CCNH: variants seen among roughly 807,000 people sequenced by gnomAD.
The protein encoded by CCNH is cyclin H, also known as cyclin-H.
Under a neutral mutation model 41.9 loss-of-function variants are expected in CCNH, and 31 were observed. The observed-to-expected ratio is 0.74, with a 90% CI of 0.56 to 1.00. The LOEUF (loss-of-function observed/expected upper bound fraction) is 1.00. Among genes scored for constraint, CCNH ranks in the 50% least tolerant of loss-of-function variants. The pLI, the probability that CCNH is intolerant of heterozygous loss-of-function variation, is 0.00. For missense variants in CCNH, 362 were observed against 388.4 expected, an observed-to-expected ratio of 0.93 and a Z score of 0.57; for synonymous variants, 138 against 136.1, an observed-to-expected ratio of 1.01 and a Z score of -0.10.
At chr5:87,377,045 G>A (rs778333322) in exon 1 of CCNH, 8 of 1,612,130 alleles carry the variant, frequency 5.0e-6, no homozygotes, top group Non-Finnish European at 6.8e-6. Context: ...TGGAAGGTAT[G>A]GTATGGCCAT....
intron 7 of CCNH, 25 bp downstream of exon 7, chr5:87,399,365 TATTG>T (rs1763220274): frequency 2.7e-6 from 4 of 1,467,862 alleles, no homozygotes; most frequent in Non-Finnish European, 3.8e-6. Flanking sequence ...CAGTTATGTC[TATTG>T]ATTAACACTG....
At chr5:87,399,611 A>G in intron 6 of CCNH, 106 bp from the exon 7 acceptor site, 2 of 718,512 alleles carry the variant, frequency 2.8e-6, no homozygotes, top group East Asian at 4.9e-5. Context: ...ACACTCTTCA[A>G]ATGACATGGT....
At chr5:87,393,214 T>G (rs1362554447), downstream of CCNH, among the ~76,000 whole-genome samples, 1 of 152,130 alleles carries the variant, frequency 6.6e-6, no homozygotes, top group Non-Finnish European at 1.5e-5. Context: ...CAGCCTGGGA[T>G]GTACTGAGAC....
intron 9 of CCNH, among the ~76,000 whole-genome samples, chr5:87,353,847 A>T (rs2112433426): frequency 6.6e-6 from 1 of 152,262 alleles, no homozygotes; most frequent in East Asian, 1.9e-4. Flanking sequence ...TTAGTTGCTT[A>T]ACGCTTAGGG....
At chr5:87,378,370 A>C (rs1266695923), upstream of CCNH, 4 of 1,610,248 alleles carry the variant, frequency 2.5e-6, no homozygotes, top group Admixed American at 6.7e-5. Flanking sequence ...TTTACAAATA[A>C]TCTTCTAATG....
rs772139174 is a variant in CCNH, at chr5:87,394,493, GA to G, written c.934-10del. On this transcript the variant is annotated splice_polypyrimidine_tract_variant and intron_variant, in intron 8 of 8. Coordinates refer to ENST00000256897, the MANE Select transcript of CCNH (RefSeq NM_001239.4). ...TCATCAGTCCATTCTTCCTAAGAAG[GA>G]AAAAAAGTGTGGTAAGGATAACACT... 1.5e-5 allele frequency: 24 copies of G among 1,612,164 alleles called. No homozygotes were observed. The highest frequency in any genetic ancestry group is 4.0e-5 in the African/African-American group (3 of 74,744).
chr5:87,376,429 G>T (rs1326128440), exon 1 of CCNH: 1 of 1,613,906 alleles, frequency 6.2e-7, no homozygotes, highest in Non-Finnish European at 8.5e-7. Context: ...TTACAGAAAG[G>T]GCATGCCACA....
At chr5:87,376,220 C>A, downstream of CCNH, 2 of 729,746 alleles carry the variant, frequency 2.7e-6, no homozygotes, top group Non-Finnish European at 4.6e-6. Context: ...TTTAGTGCAC[C>A]GTAGACACTC....
chr5:87,408,610 A>G (rs749814119), intron 3 of CCNH, among the ~76,000 whole-genome samples: 13 of 151,722 alleles, frequency 8.6e-5, no homozygotes, highest in Non-Finnish European at 1.5e-4. Flanking sequence ...GTGGAAGGCC[A>G]TCGGCAGAAG....
chr5:87,360,993 T>C (rs79232895), intron 9 of CCNH, among the ~76,000 whole-genome samples: 7,115 of 152,284 alleles, frequency 0.047, 334 homozygotes, highest in African/African-American at 0.12. Flanking sequence ...TTACAAAAGA[T>C]GCCGCAATAC....
intron 9 of CCNH, among the ~76,000 whole-genome samples, chr5:87,328,799 G>A (rs1042250398): frequency 3.9e-5 from 6 of 152,136 alleles, no homozygotes; most frequent in Non-Finnish European, 7.4e-5. Flanking sequence ...CTGTTTTTGA[G>A]TAAACCCAAG....
At chr5:87,354,545 C>A (rs941123413) in intron 9 of CCNH, among the ~76,000 whole-genome samples, 3 of 152,100 alleles carry the variant, frequency 2.0e-5, no homozygotes, top group African/African-American at 7.2e-5. Flanking sequence ...CTGGCTGGTT[C>A]TGTTTCTCTT....
intron 9 of CCNH, among the ~76,000 whole-genome samples, chr5:87,323,922 C>A (rs1205271683): frequency 6.6e-6 from 1 of 152,070 alleles, no homozygotes; most frequent in East Asian, 1.9e-4. Context: ...CTTACTATAC[C>A]AGATTACAGT....
intron 9 of CCNH, among the ~76,000 whole-genome samples, chr5:87,344,889 T>C (rs1758741600): frequency 1.3e-5 from 2 of 152,068 alleles, no homozygotes; most frequent in African/African-American, 4.8e-5. Context: ...AGCTCATTCA[T>C]CACTTCCCCC....
intron 9 of CCNH, among the ~76,000 whole-genome samples, chr5:87,344,557 C>T (rs193258762): frequency 1.8e-3 from 280 of 152,052 alleles, no homozygotes; most frequent in African/African-American, 6.2e-3. Flanking sequence ...TTGCCCAAGC[C>T]GGAGTGCAGT....
intron 9 of CCNH, among the ~76,000 whole-genome samples, chr5:87,358,825 C>G (rs1341645716): frequency 6.6e-6 from 1 of 152,188 alleles, no homozygotes; most frequent in African/African-American, 2.4e-5. Context: ...AAGCCAGACT[C>G]TTTCCTTCCT....
At chr5:87,321,505 A>G (rs573277087) in intron 9 of CCNH, among the ~76,000 whole-genome samples, 15 of 151,798 alleles carry the variant, frequency 9.9e-5, no homozygotes, top group African/African-American at 1.5e-4. Flanking sequence ...GGTTTCCACA[A>G]CCCCCTCTTT....
At chr5:87,385,262 T>G in intron 9 of CCNH, 1 of 1,292,490 alleles carries the variant, frequency 7.7e-7, no homozygotes. Context: ...GAAGTGCTGT[T>G]GGACTTGGTG....
At chr5:87,349,401 C>CA in intron 9 of CCNH, 1 of 1,602,128 alleles carries the variant, frequency 6.2e-7, no homozygotes, top group Non-Finnish European at 8.5e-7. Flanking sequence ...TTACTTTTCG[C>CA]AAAAATAGTT....
Sources: gnomAD v4.1 joint callset for allele counts (sites outside exome capture counted in the v4.1 genomes callset) on GRCh38, gnomAD v4.1.1 for gene constraint, MANE v1.5 for transcripts, NCBI Gene and HGNC (gene_info 2026-07-23, HGNC 2026-07-21) for gene names.